MDGA1: variants seen among roughly 807,000 people sequenced by gnomAD.
The protein encoded by MDGA1 is MAM domain-containing glycosylphosphatidylinositol anchor protein 1.
MDGA1 carries 54 observed loss-of-function variants against 101.5 expected under a neutral mutation model. The ratio of observed to expected loss-of-function variants is 0.53; its 90% confidence interval spans 0.43 to 0.67. MDGA1 has a LOEUF of 0.67. Among genes scored for constraint, MDGA1 ranks in the 30% least tolerant of loss-of-function variants. The pLI is 0.00. For synonymous variants in MDGA1, 533 were observed against 558.3 expected (o/e 0.95, Z 0.64); for missense variants, 1,083 against 1,323.8 (o/e 0.82, Z 2.82).
intron 1 of MDGA1, 28 bp from the exon 2 acceptor site, chr6:37,664,134 T>G (rs1282643168): frequency 3.7e-6 from 6 of 1,613,266 alleles, no homozygotes; most frequent in Admixed American, 1.7e-5. Context: ...AGGAGGAGGT[T>G]TAGAGAAGAG....
At chr6:37,690,522 T>C (rs1308404140) in intron 1 of MDGA1, among the ~76,000 whole-genome samples, 1 of 152,208 alleles carries the variant, frequency 6.6e-6, no homozygotes, top group Admixed American at 6.5e-5. Flanking sequence ...CTCACGCCTG[T>C]AATCCCAGCA....
chr6:37,671,236 A>G (rs1761862929), intron 1 of MDGA1, among the ~76,000 whole-genome samples: 1 of 152,224 alleles, frequency 6.6e-6, no homozygotes, highest in Non-Finnish European at 1.5e-5. Flanking sequence ...AGAAAGACTT[A>G]GCACACAAAG....
intron 1 of MDGA1, among the ~76,000 whole-genome samples, chr6:37,689,559 G>A (rs1347483942): frequency 6.6e-6 from 1 of 152,228 alleles, no homozygotes; most frequent in African/African-American, 2.4e-5. Context: ...CTGACAAGCG[G>A]AGAAGCCACG....
rs768884775 is a variant in MDGA1 at position 37,654,851 on chromosome 6, C to T, written c.661G>A (p.Val221Met). 9.3e-6 allele frequency: 15 copies of T among 1,613,632 alleles called. No homozygotes were observed. The highest frequency in any genetic ancestry group is 1.6e-4 in the Middle Eastern group (1 of 6,082). Residue 221 changes from valine (V) to methionine (M), a missense_variant, in exon 5 of 17, where the codon GTG becomes ATG. By Grantham distance (21) the Val-to-Met change is conservative (BLOSUM62 1). Coordinates refer to ENST00000434837, the MANE Select transcript of MDGA1 (RefSeq NM_153487.4). ...SYTCQVSVRN[V>M]CGIPDKAITF... Reference sequence around the variant, plus strand: ...ATGGCCTTGTCTGGGATGCCGCACACGTTACGCACAGACACCTGGCAGGTG... The same window carrying T: ...ATGGCCTTGTCTGGGATGCCGCACATGTTACGCACAGACACCTGGCAGGTG...
chr6:37,658,467 TG>T (rs1025002342), intron 2 of MDGA1, 48 bp from the exon 3 acceptor site: 2 of 1,552,170 alleles, frequency 1.3e-6, no homozygotes, highest in Non-Finnish European at 8.7e-7. Flanking sequence ...TCACACGGGG[TG>T]GGGGCCTCAG....
chr6:37,634,466 C>CA lies in MDGA1; in HGVS notation c.*2901dup, dbSNP rs1277345871. 6.5e-6 allele frequency: 1 copy of CA among 153,308 alleles called. No individual in the cohort carries two copies. The highest frequency in any genetic ancestry group is 1.5e-5 in the Non-Finnish European group (1 of 68,434). The allele number at this position is 153,308 out of a possible 1,614,324, so 9.5% of individuals were successfully genotyped here. ...AGAGATGCTGGCTCACAGGCACACA[C>CA]AGACACAGACACTGACAAGTCACCA... On this transcript the variant is annotated 3_prime_UTR_variant, in exon 17 of 17. Transcript: ENST00000434837. This position sits in a 1 kb window ranked among gnomAD's most constrained non-coding sequence, Gnocchi z 4.7.
At chr6:37,645,321 G>A (rs1417223243) in intron 12 of MDGA1, among the ~76,000 whole-genome samples, 2 of 152,142 alleles carry the variant, frequency 1.3e-5, no homozygotes, top group Non-Finnish European at 2.9e-5. Flanking sequence ...ATCACCTGAG[G>A]TCAGGAGTTC....
intron 1 of MDGA1, among the ~76,000 whole-genome samples, chr6:37,684,932 A>T (rs1404549760): frequency 1.3e-5 from 2 of 152,148 alleles, no homozygotes; most frequent in African/African-American, 4.8e-5. Flanking sequence ...ACTGAAATTC[A>T]ATTCATTTCC....
chr6:37,673,254 T>C (rs11759115), intron 1 of MDGA1, among the ~76,000 whole-genome samples: 22,302 of 152,104 alleles, frequency 0.15, 1,814 homozygotes, highest in Admixed American at 0.2. Flanking sequence ...TCCACATTCC[T>C]GGTGGGACCG....
chr6:37,640,688 A>AG (rs1352826619), intron 14 of MDGA1, among the ~76,000 whole-genome samples: 1 of 152,044 alleles, frequency 6.6e-6, no homozygotes, highest in Non-Finnish European at 1.5e-5. Flanking sequence ...GCCCCTGAGC[A>AG]GGGGGGACAT....
At chr6:37,649,995 G>A in intron 8 of MDGA1, 114 bp downstream of exon 8, 1 of 1,247,652 alleles carries the variant, frequency 8.0e-7, no homozygotes, top group Non-Finnish European at 1.2e-6. Context: ...GGTATCAGGA[G>A]TAGCTGGTGG....
At chr6:37,662,693 G>A (rs1335795063) in intron 2 of MDGA1, among the ~76,000 whole-genome samples, 2 of 151,970 alleles carry the variant, frequency 1.3e-5, no homozygotes, top group Non-Finnish European at 2.9e-5. Flanking sequence ...ATGAGAAGAT[G>A]CAAGGTCAAA....
At chr6:37,692,044 C>G (rs137869017) in intron 1 of MDGA1, among the ~76,000 whole-genome samples, 12 of 152,312 alleles carry the variant, frequency 7.9e-5, no homozygotes, top group Admixed American at 5.2e-4. Flanking sequence ...TACGTGGGAG[C>G]TGGAGGGAGG....
chr6:37,655,904 G>A lies in MDGA1; in HGVS notation c.383-8C>T. On this transcript the variant is annotated splice_polypyrimidine_tract_variant and splice_region_variant and intron_variant, in intron 3 of 16. Transcript: ENST00000434837. This position sits in a 1 kb window ranked among gnomAD's most constrained non-coding sequence, Gnocchi z 5.1. ...GCATTGGCTCATCCAGGTCTGCAAG[G>A]GCACAGCCCCCATGGAGTCAGGACT... The A allele has an allele frequency of 6.2e-7, 1 of 1,609,160 alleles. No homozygotes were observed. The highest frequency in any genetic ancestry group is 8.5e-7 in the Non-Finnish European group (1 of 1,177,698).
chr6:37,658,965 T>G (rs1345339633), intron 2 of MDGA1, among the ~76,000 whole-genome samples: 1 of 78,536 alleles, frequency 1.3e-5, no homozygotes, highest in Non-Finnish European at 2.6e-5. Context: ...AGCAAGACTG[T>G]TTCAAAAAAA....
intron 6 of MDGA1, 55 bp downstream of exon 6, chr6:37,654,219 C>T (rs749896607): frequency 6.7e-7 from 1 of 1,491,916 alleles, no homozygotes; most frequent in Non-Finnish European, 8.9e-7. Context: ...CTCCCAAAGA[C>T]CAGGGACCTT....
chr6:37,678,422 T>A (rs1762025873), intron 1 of MDGA1, among the ~76,000 whole-genome samples: 4 of 152,090 alleles, frequency 2.6e-5, no homozygotes, highest in Admixed American at 2.6e-4. Context: ...TCTTCCCTGC[T>A]TCCTCCCTTG....
chr6:37,654,952 T>C lies in MDGA1; in HGVS notation c.580-20A>G, dbSNP rs780663354. On this transcript the variant is annotated intron_variant, in intron 4 of 16. Transcript: ENST00000434837. Reference sequence around the variant, plus strand: ...CTCCCCCTGGGCAGCAGTGGACCACTGGGGTGAGGTGCCTGCTTGAGTCTC... The same window carrying C: ...CTCCCCCTGGGCAGCAGTGGACCACCGGGGTGAGGTGCCTGCTTGAGTCTC... The C allele has an allele frequency of 3.1e-6, 5 of 1,611,766 alleles. No individual in the cohort carries two copies. The highest frequency in any genetic ancestry group is 4.2e-6 in the Non-Finnish European group (5 of 1,179,450).
chr6:37,655,643 C>T lies in MDGA1; in HGVS notation c.579+57G>A, dbSNP rs374886843. ...TCCCAAAAACTCAGCCCCATGCCCCCCTCCCCTGTTGGATGCAGGAGAAGT... is the reference window on the plus strand; with the variant it reads ...TCCCAAAAACTCAGCCCCATGCCCCTCTCCCCTGTTGGATGCAGGAGAAGT... On this transcript the variant is annotated intron_variant, in intron 4 of 16. Transcript: ENST00000434837. The surrounding 1 kb of genome is among the most constrained non-coding windows in gnomAD (Gnocchi z 5.1). The T allele has an allele frequency of 2.2e-6, 3 of 1,392,616 alleles. No homozygotes were observed. The highest frequency in any genetic ancestry group is 2.8e-5 in the South Asian group (2 of 70,394). 86.3% of individuals were successfully genotyped at this position (1,392,616 alleles called of 1,614,324 possible).
Sources: allele counts gnomAD v4.1 joint callset (sites outside exome capture counted in the v4.1 genomes callset), GRCh38; gene constraint gnomAD v4.1.1; non-coding constraint Gnocchi (gnomAD v3.1); transcripts MANE v1.5; gene names NCBI Gene and HGNC (gene_info 2026-07-23, HGNC 2026-07-21).